The following CTNNA3 variants were observed in gnomAD, a reference collection of about 807,000 sequenced individuals.
CTNNA3 encodes the protein catenin alpha 3, also known as catenin alpha-3.
CTNNA3 carries 76 observed loss-of-function variants against 95.7 expected under a neutral mutation model. The ratio of observed to expected loss-of-function variants is 0.79; its 90% confidence interval spans 0.66 to 0.96. The LOEUF (loss-of-function observed/expected upper bound fraction) is 0.96. Among genes scored for constraint, CTNNA3 ranks in the 40% least tolerant of loss-of-function variants. CTNNA3 has a pLI of 0.00. For missense variants in CTNNA3, 1,191 were observed against 1,089.8 expected, an observed-to-expected ratio of 1.09 and a Z score of -1.31; for synonymous variants, 431 against 374.4, an observed-to-expected ratio of 1.15 and a Z score of -1.74.
At chr10:67,187,733 G>A (rs1456660930) in intron 6 of CTNNA3, among the ~76,000 whole-genome samples, 1 of 152,032 alleles carries the variant, frequency 6.6e-6, no homozygotes, top group South Asian at 2.1e-4. Context: ...TCACAGGTGT[G>A]TGCCACCCCA....
At chr10:66,103,952 T>C (rs1208360754) in intron 13 of CTNNA3, among the ~76,000 whole-genome samples, 1 of 152,214 alleles carries the variant, frequency 6.6e-6, no homozygotes, top group Non-Finnish European at 1.5e-5. Context: ...TTTATTTCAG[T>C]GAATAGCAAT....
intron 15 of CTNNA3, 60 bp from the exon 16 acceptor site, chr10:65,988,857 G>A (rs550495427): frequency 1.7e-6 from 2 of 1,187,966 alleles, no homozygotes; most frequent in South Asian, 1.3e-5. Context: ...TGTTAGCTAC[G>A]ATGGTTCATG....
chr10:66,792,136 T>G (rs1405687058), intron 7 of CTNNA3, among the ~76,000 whole-genome samples: 1 of 152,168 alleles, frequency 6.6e-6, no homozygotes, highest in Non-Finnish European at 1.5e-5. Context: ...TAAAAAAATA[T>G]AACCTCCTTT....
chr10:67,363,296 C>T (rs564108958), intron 5 of CTNNA3, among the ~76,000 whole-genome samples: 1 of 151,826 alleles, frequency 6.6e-6, no homozygotes, highest in East Asian at 1.9e-4. Context: ...AAAAAGAGCC[C>T]AAATAGCCAA....
chr10:67,216,898 C>T (rs1450822401), intron 6 of CTNNA3, among the ~76,000 whole-genome samples: 1 of 152,170 alleles, frequency 6.6e-6, no homozygotes. Context: ...CAGCACTTCT[C>T]AGCTCTCATT....
chr10:67,644,121 A>C (rs1455023194), intron 2 of CTNNA3, among the ~76,000 whole-genome samples: 1 of 152,194 alleles, frequency 6.6e-6, no homozygotes, highest in Non-Finnish European at 1.5e-5. Context: ...TGCCTTCCAC[A>C]ATGGTTGAAC....
chr10:66,978,545 A>ATAAAAATAAAAAAAAT (rs1213465920), intron 7 of CTNNA3, among the ~76,000 whole-genome samples: 3 of 114,224 alleles, frequency 2.6e-5, no homozygotes, highest in African/African-American at 6.3e-5. Flanking sequence ...AAAAAAAAAA[A>ATAAAAATAAAAAAAAT]AAAAAAAATA....
intron 5 of CTNNA3, among the ~76,000 whole-genome samples, chr10:67,286,294 C>T (rs1255683987): frequency 1.3e-5 from 2 of 152,148 alleles, no homozygotes; most frequent in African/African-American, 4.8e-5. Context: ...TAAATAATGC[C>T]ATTTTAAATG....
intron 10 of CTNNA3, among the ~76,000 whole-genome samples, chr10:66,532,630 C>A (rs997609726): frequency 4.6e-5 from 7 of 152,156 alleles, no homozygotes; most frequent in Middle Eastern, 3.4e-3. Context: ...TCTGTGTCTA[C>A]CATTTATCTA....
At chr10:66,619,241 G>T (rs1260917915) in intron 10 of CTNNA3, among the ~76,000 whole-genome samples, 1 of 151,246 alleles carries the variant, frequency 6.6e-6, no homozygotes, top group Non-Finnish European at 1.5e-5. Context: ...AAATCATGCT[G>T]CTATAAAGAC....
chr10:66,002,465 A>G (rs2078789406), intron 15 of CTNNA3, among the ~76,000 whole-genome samples: 1 of 152,216 alleles, frequency 6.6e-6, no homozygotes, highest in South Asian at 2.1e-4. Flanking sequence ...CATTGTATAT[A>G]TTAGTCTCCT....
At chr10:66,182,175 A>G (rs2086073290) in intron 13 of CTNNA3, among the ~76,000 whole-genome samples, 1 of 152,050 alleles carries the variant, frequency 6.6e-6, no homozygotes, top group African/African-American at 2.4e-5. Flanking sequence ...ATCTCTTACA[A>G]TCAAGTATGG....
intron 1 of CTNNA3, among the ~76,000 whole-genome samples, chr10:67,762,015 G>A (rs774296376): frequency 6.6e-6 from 1 of 151,966 alleles, no homozygotes; most frequent in African/African-American, 2.4e-5. Flanking sequence ...AGGAACATAT[G>A]AATTTTACTT....
chr10:66,664,064 C>T (rs1174915849), intron 9 of CTNNA3, among the ~76,000 whole-genome samples: 1 of 151,998 alleles, frequency 6.6e-6, no homozygotes, highest in Non-Finnish European at 1.5e-5. Flanking sequence ...CTATATCTCT[C>T]CTGCCAAATG....
intron 11 of CTNNA3, among the ~76,000 whole-genome samples, chr10:66,413,731 A>G (rs1325173781): frequency 6.6e-6 from 1 of 152,210 alleles, no homozygotes; most frequent in Non-Finnish European, 1.5e-5. Flanking sequence ...TCCATTATCC[A>G]GAAGGTTAGA....
intron 10 of CTNNA3, among the ~76,000 whole-genome samples, chr10:66,594,009 T>C (rs1564555462): frequency 1.3e-5 from 2 of 152,110 alleles, no homozygotes; most frequent in African/African-American, 2.4e-5. Flanking sequence ...CTAAAGTTCT[T>C]CTCTGAACTT....
At chr10:66,911,873 A>G (rs1846236836) in intron 7 of CTNNA3, among the ~76,000 whole-genome samples, 1 of 152,216 alleles carries the variant, frequency 6.6e-6, no homozygotes, top group East Asian at 1.9e-4. Flanking sequence ...ATAAAGCCTA[A>G]GAATCAGGAC....
At chr10:66,901,140 T>C (rs1845727378) in intron 7 of CTNNA3, among the ~76,000 whole-genome samples, 1 of 152,138 alleles carries the variant, frequency 6.6e-6, no homozygotes, top group Non-Finnish European at 1.5e-5. Context: ...AAGGTCGGGT[T>C]ACCCACAAAA....
At chr10:67,400,537 G>T (rs1343370579) in intron 5 of CTNNA3, among the ~76,000 whole-genome samples, 1 of 152,162 alleles carries the variant, frequency 6.6e-6, no homozygotes, top group African/African-American at 2.4e-5. Context: ...TTAGGAAGAA[G>T]ATGATATTGA....
Sources: allele counts gnomAD v4.1 joint callset (sites outside exome capture counted in the v4.1 genomes callset), GRCh38; gene constraint gnomAD v4.1.1; transcripts MANE v1.5; gene names NCBI Gene and HGNC (gene_info 2026-07-23, HGNC 2026-07-21).